Variants in FBXO28 observed in about 807,000 individuals in gnomAD.
The protein encoded by FBXO28 is F-box only protein 28.
FBXO28 carries 8 observed loss-of-function variants against 38.1 expected under a neutral mutation model. That is an observed-to-expected ratio of 0.21 (90% confidence interval 0.12 to 0.38). The LOEUF (loss-of-function observed/expected upper bound fraction) is 0.38, where lower values mean the gene tolerates loss of function less well. Among genes scored for constraint, FBXO28 ranks in the 10% least tolerant of loss-of-function variants. The pLI, the probability that FBXO28 is intolerant of heterozygous loss-of-function variation, is 1.00. For missense variants in FBXO28, 345 were observed against 460.6 expected (o/e 0.75, Z 2.30); for synonymous variants, 168 against 173.8 (o/e 0.97, Z 0.26).
intron 1 of FBXO28, among the ~76,000 whole-genome samples, chr1:224,128,456 TAGTACTAAGATA>T: frequency 6.6e-6 from 1 of 152,192 alleles, no homozygotes; most frequent in Non-Finnish European, 1.5e-5. Flanking sequence ...GTTTTCAAAT[TAGTACTAAGATA>T]AACAAAGTTT....
chr1:224,139,756 G>GCATA lies in FBXO28; in HGVS notation c.516+5547_516+5548insACAT, dbSNP rs1558192732. On this transcript the variant is annotated intron_variant, in intron 3 of 4. Coordinates refer to ENST00000366862, the MANE Select transcript of FBXO28 (RefSeq NM_015176.4). ...CTTCGTCTGAAATAAATACATACAT[G>GCATA]CATGCATGCATACATACATACATAC... Among the ~76,000 whole-genome samples, 5 of 32,376 alleles carry GCATA rather than the reference G, an allele frequency of 1.5e-4. No homozygotes were observed. In the East Asian group the frequency reaches 4.6e-3, roughly 30 times the overall value. 21.2% of individuals were successfully genotyped at this position (32,376 alleles called of 152,430 possible). A position where few individuals can be genotyped will look rare whatever the true frequency, so the allele number is the denominator to read the frequency against.
At chr1:224,125,642 CTTTT>C (rs1270361956) in intron 1 of FBXO28, among the ~76,000 whole-genome samples, 1 of 140,718 alleles carries the variant, frequency 7.1e-6, no homozygotes, top group South Asian at 2.2e-4. Flanking sequence ...TACTCATTCT[CTTTT>C]TTTTTTTTTT....
intron 3 of FBXO28, among the ~76,000 whole-genome samples, chr1:224,138,702 CAT>C (rs3991761): frequency 0.99 from 149,436 of 151,682 alleles, 73,696 homozygotes; most frequent in Middle Eastern, 1. Context: ...AAAAACAAAA[CAT>C]GTGGATAGTC....
chr1:224,121,707 G>T (rs1656782959), intron 1 of FBXO28, among the ~76,000 whole-genome samples: 1 of 152,050 alleles, frequency 6.6e-6, no homozygotes, highest in African/African-American at 2.4e-5. Context: ...GAGTGCAGTG[G>T]TGCGATCTTG....
At chr1:224,133,411 C>T (rs985654808) in intron 2 of FBXO28, among the ~76,000 whole-genome samples, 1 of 152,176 alleles carries the variant, frequency 6.6e-6, no homozygotes, top group Non-Finnish European at 1.5e-5. Context: ...TAAATTTTAT[C>T]ATCAAAAGCA....
At chr1:224,130,658 G>T (rs1351566678) in intron 2 of FBXO28, 77 bp downstream of exon 2, 2 of 929,638 alleles carry the variant, frequency 2.2e-6, no homozygotes, top group Non-Finnish European at 3.4e-6. Flanking sequence ...CAGTCTCATG[G>T]TTTACATATT....
chr1:224,156,527 A>G (rs1657777652), intron 4 of FBXO28, among the ~76,000 whole-genome samples: 2 of 152,264 alleles, frequency 1.3e-5, no homozygotes, highest in South Asian at 4.1e-4. Flanking sequence ...TGGCTGCACA[A>G]TCTCTTATCC....
chr1:224,142,141 C>T (rs921887507), intron 3 of FBXO28, among the ~76,000 whole-genome samples: 2 of 150,922 alleles, frequency 1.3e-5, no homozygotes, highest in Non-Finnish European at 2.9e-5. Flanking sequence ...CACCTGAGGT[C>T]AGGAGTTAGA....
chr1:224,142,288 G>T (rs1657375925), intron 3 of FBXO28, among the ~76,000 whole-genome samples: 1 of 150,204 alleles, frequency 6.7e-6, no homozygotes, highest in African/African-American at 2.5e-5. Context: ...GGAGGTAGAG[G>T]TTGCAGTGAG....
intron 2 of FBXO28, among the ~76,000 whole-genome samples, chr1:224,132,448 A>T (rs12239235): frequency 0.06 from 9,163 of 152,222 alleles, 852 homozygotes; most frequent in African/African-American, 0.2. Context: ...GATGTGGACA[A>T]ATTGGAACCT....
intron 3 of FBXO28, among the ~76,000 whole-genome samples, chr1:224,148,328 A>G (rs1375572540): frequency 6.6e-6 from 1 of 152,202 alleles, no homozygotes; most frequent in Non-Finnish European, 1.5e-5. Flanking sequence ...AAGAATAAGT[A>G]TCATGGAAAA....
intron 1 of FBXO28, among the ~76,000 whole-genome samples, chr1:224,120,877 AAAG>A (rs1656756304): frequency 7.5e-6 from 1 of 133,906 alleles, no homozygotes; most frequent in Non-Finnish European, 1.5e-5. Flanking sequence ...AAAAAAAAAA[AAAG>A]AAAGAAAGAA....
intron 3 of FBXO28, among the ~76,000 whole-genome samples, chr1:224,149,665 G>C (rs949600543): frequency 4.1e-4 from 62 of 152,206 alleles, no homozygotes; most frequent in African/African-American, 1.4e-3. Context: ...AGTGAAACAT[G>C]GTATGATCTC....
intron 3 of FBXO28, among the ~76,000 whole-genome samples, chr1:224,142,787 A>G (rs1572019609): frequency 6.6e-6 from 1 of 152,012 alleles, no homozygotes; most frequent in Non-Finnish European, 1.5e-5. Context: ...TGTCTCTACT[A>G]AAAGTACAAA....
Position 224,114,150 on chromosome 1 carries a change from G to A in FBXO28, c.21G>A (p.Glu7=). The A allele has an allele frequency of 6.5e-7, 1 of 1,544,408 alleles. No individual in the cohort carries two copies. The highest frequency in any genetic ancestry group is 8.7e-7 in the Non-Finnish European group (1 of 1,144,420). Reference sequence around the variant, plus strand: ...CCAAGATGGCGGCAGCGGCGGAGGAGCGGATGGCAGAGGAAGGAGGCGGCG... The same window carrying A: ...CCAAGATGGCGGCAGCGGCGGAGGAACGGATGGCAGAGGAAGGAGGCGGCG... MAAAAE[E]RMAEEGGGGQ... The change falls in exon 1 of 5, where the codon GAG becomes GAA. Residue 7 remains glutamate, a synonymous_variant. Transcript: ENST00000366862.
intron 3 of FBXO28, among the ~76,000 whole-genome samples, chr1:224,146,702 A>AT (rs5781350): frequency 0.62 from 67,373 of 109,410 alleles, 20,486 homozygotes; most frequent in South Asian, 0.72. Context: ...TAAAACTAAA[A>AT]TTTTTTTTTT....
chr1:224,148,008 C>T (rs1657551563), intron 3 of FBXO28, among the ~76,000 whole-genome samples: 1 of 152,076 alleles, frequency 6.6e-6, no homozygotes, highest in African/African-American at 2.4e-5. Flanking sequence ...CTGCTTAAAG[C>T]TTTTGGACAA....
At chr1:224,142,474 T>C (rs538600733) in intron 3 of FBXO28, among the ~76,000 whole-genome samples, 1 of 152,154 alleles carries the variant, frequency 6.6e-6, no homozygotes, top group Non-Finnish European at 1.5e-5. Context: ...CTTGACTTTT[T>C]TGTAATAACA....
intron 1 of FBXO28, among the ~76,000 whole-genome samples, chr1:224,122,891 A>G (rs1400101151): frequency 6.6e-6 from 1 of 152,180 alleles, no homozygotes; most frequent in Non-Finnish European, 1.5e-5. Context: ...ATAACAGCAG[A>G]GTATCAGTTG....
Sources: allele counts gnomAD v4.1 joint callset (sites outside exome capture counted in the v4.1 genomes callset), GRCh38; gene constraint gnomAD v4.1.1; transcripts MANE v1.5; gene names NCBI Gene and HGNC (gene_info 2026-07-23, HGNC 2026-07-21).